RIC1: variants seen among roughly 807,000 people sequenced by gnomAD.
The protein encoded by RIC1 is RIC1 partner of RAB6A GEF complex.
RIC1 carries 88 observed loss-of-function variants against 169.0 expected under a neutral mutation model. The observed-to-expected ratio is 0.52, with a 90% confidence interval of 0.44 to 0.62. The LOEUF is 0.62. RIC1 is among the 20% of genes least tolerant of loss of function. The probability of loss-of-function intolerance (pLI) is 0.00; values close to 1 mark genes in which losing one functional copy is unlikely to be tolerated. For synonymous variants in RIC1, 790 were observed against 601.5 expected, an observed-to-expected ratio of 1.31 and a Z score of -4.59; for missense variants, 1,877 against 1,725.5, an observed-to-expected ratio of 1.09 and a Z score of -1.56.
chr9:5,719,481 C>G (rs1823460100), intron 4 of RIC1: 1 of 152,106 alleles, frequency 6.6e-6, no homozygotes, highest in Admixed American at 6.5e-5. Flanking sequence ...CTCGAATATC[C>G]AGCACACAGT....
intron 6 of RIC1, among the ~76,000 whole-genome samples, chr9:5,724,032 C>T (rs4352902): frequency 6.6e-6 from 1 of 151,296 alleles, no homozygotes; most frequent in Non-Finnish European, 1.5e-5. Context: ...GGATTGTCTT[C>T]GCAATGCAGG....
At chr9:5,682,042 C>T (rs555030663) in intron 2 of RIC1, among the ~76,000 whole-genome samples, 68 of 152,250 alleles carry the variant, frequency 4.5e-4, no homozygotes, top group African/African-American at 1.4e-3. Context: ...TATTTTGAGC[C>T]TATGTGTGTC....
At chr9:5,733,727 G>A (rs748609977) in intron 7 of RIC1, among the ~76,000 whole-genome samples, 2 of 151,990 alleles carry the variant, frequency 1.3e-5, no homozygotes, top group Non-Finnish European at 2.9e-5. Flanking sequence ...TAGTACAAGA[G>A]AGAAGGAAAA....
chr9:5,692,441 T>G lies in RIC1; in HGVS notation c.332+2403T>G, dbSNP rs148104622. Among the ~76,000 whole-genome samples, 401 of 152,212 alleles carry G rather than the reference T, an allele frequency of 2.6e-3. 4 individuals are homozygous for G. The highest frequency in any genetic ancestry group is 9.0e-3 in the African/African-American group (374 of 41,576). The stretch of plus-strand genomic sequence containing the variant: ...TCAGTAATTTTTTTCACCAAGTGTT[T>G]ACTTCATTTCTAAGCTTTTAAGTAA... On this transcript the variant is annotated intron_variant, in intron 3 of 25. Transcript: ENST00000414202.
At chr9:5,732,103 TG>T (rs1824403527) in intron 6 of RIC1, among the ~76,000 whole-genome samples, 2 of 152,240 alleles carry the variant, frequency 1.3e-5, no homozygotes, top group African/African-American at 4.8e-5. Context: ...TATTTGAATT[TG>T]GAGATGAATT....
chr9:5,768,994 T>C lies in RIC1; in HGVS notation c.3162T>C (p.Ala1054=), dbSNP rs748223834. The change falls in exon 22 of 26, where the codon GCT becomes GCC. Residue 1054 remains alanine, a synonymous_variant. Coordinates refer to ENST00000414202, the MANE Select transcript of RIC1 (RefSeq NM_020829.4). ...GKRWSKDSDC[A]ENMYIDMMLW... ...GATGGAGCAAAGACAGTGACTGTGC[T>C]GAGAACATGTATATTGACATGATGC... 13 of 1,612,796 alleles carry C rather than the reference T, an allele frequency of 8.1e-6. No homozygotes were observed. Among genetic ancestry groups the C allele is most frequent in the Middle Eastern group, 1.6e-4 (1 of 6,068 alleles).
chr9:5,769,266 A>G lies in RIC1; in HGVS notation c.3424+10A>G. ...GGAAAATACCGAACTGGTAATGTAG[A>G]CTTCATGTCACTTGTACAAGGAGAA... is the stretch of plus-strand genomic sequence containing the variant. On this transcript the variant is annotated intron_variant, in intron 22 of 25. Transcript: ENST00000414202. The G allele has an allele frequency of 6.2e-7, 1 of 1,613,954 alleles. No individual in the cohort carries two copies. The highest frequency in any genetic ancestry group is 8.5e-7 in the Non-Finnish European group (1 of 1,179,826).
chr9:5,762,762 A>G, intron 18 of RIC1, 102 bp downstream of exon 18: 1 of 1,398,070 alleles, frequency 7.2e-7, no homozygotes, highest in Middle Eastern at 2.0e-4. Context: ...TGATTTGGAA[A>G]GGAGAAATTA....
intron 4 of RIC1, among the ~76,000 whole-genome samples, chr9:5,714,848 T>C (rs1360201792): frequency 6.6e-6 from 1 of 152,204 alleles, no homozygotes; most frequent in Non-Finnish European, 1.5e-5. Flanking sequence ...AGCTTTTTAT[T>C]GTGTACTCTT....
At chr9:5,717,883 G>C (rs1419343146) in intron 4 of RIC1, among the ~76,000 whole-genome samples, 1 of 150,260 alleles carries the variant, frequency 6.7e-6, no homozygotes, top group Non-Finnish European at 1.5e-5. Context: ...GCTCACGCCT[G>C]TAATCCCAGC....
intron 3 of RIC1, among the ~76,000 whole-genome samples, chr9:5,703,288 CCCGTG>C (rs1255176428): frequency 6.6e-6 from 1 of 152,168 alleles, no homozygotes; most frequent in Non-Finnish European, 1.5e-5. Flanking sequence ...GACTATAAGC[CCCGTG>C]CAGATCTGAA....
intron 12 of RIC1, among the ~76,000 whole-genome samples, chr9:5,752,701 G>A (rs913299723): frequency 6.6e-6 from 1 of 152,148 alleles, no homozygotes; most frequent in African/African-American, 2.4e-5. Flanking sequence ...CTCCCAAAGT[G>A]CTGGGATTAC....
At chr9:5,660,017 C>G (rs1329999261) in intron 2 of RIC1, among the ~76,000 whole-genome samples, 1 of 152,156 alleles carries the variant, frequency 6.6e-6, no homozygotes, top group African/African-American at 2.4e-5. Flanking sequence ...CCCCTCCATC[C>G]TCTAACAGAC....
intron 21 of RIC1, among the ~76,000 whole-genome samples, chr9:5,767,474 A>G (rs1456264308): frequency 1.1e-5 from 1 of 87,262 alleles, no homozygotes; most frequent in African/African-American, 4.7e-5. Flanking sequence ...TATTGTTCAT[A>G]TTCTCTTTTT....
intron 2 of RIC1, among the ~76,000 whole-genome samples, chr9:5,657,552 C>T (rs886614450): frequency 2.0e-5 from 3 of 152,144 alleles, no homozygotes; most frequent in Middle Eastern, 3.4e-3. Context: ...AGGTTACATG[C>T]GTAGTGTATA....
chr9:5,734,807 T>C (rs757533851), intron 7 of RIC1, among the ~76,000 whole-genome samples: 1 of 152,260 alleles, frequency 6.6e-6, no homozygotes, highest in Non-Finnish European at 1.5e-5. Context: ...AATTGGTTTA[T>C]AAATAACGTT....
In RIC1 at chr9:5,696,895, C is replaced by T. The variant is rs573189462; in HGVS notation, c.332+6857C>T. 2.4e-3 allele frequency among the ~76,000 whole-genome samples: 369 copies of T among 152,224 alleles called. 4 individuals carry two copies. Among genetic ancestry groups the T allele is most frequent in the Middle Eastern group, 6.8e-3 (2 of 294 alleles). On this transcript the variant is annotated intron_variant, in intron 3 of 25. Coordinates refer to ENST00000414202, the MANE Select transcript of RIC1 (RefSeq NM_020829.4). ...TGGAGATCTTACTGATCTTTTGAGGCTTTTTGTATGTCTTTTAGGATGGAT... is the reference window on the plus strand; with the variant it reads ...TGGAGATCTTACTGATCTTTTGAGGTTTTTTGTATGTCTTTTAGGATGGAT...
chr9:5,774,281 TAGC>T lies in RIC1; in HGVS notation c.*42_*44del, dbSNP rs1489156359. ...TCCATCACAAAGGGGCAGTATTAATTAGCAGCAGCGTGCAGCTCAGTACGTTGT... is the reference window on the plus strand; with the variant it reads ...TCCATCACAAAGGGGCAGTATTAATTAGCAGCGTGCAGCTCAGTACGTTGT... On this transcript the variant is annotated 3_prime_UTR_variant, in exon 26 of 26. Coordinates refer to ENST00000414202, the MANE Select transcript of RIC1 (RefSeq NM_020829.4). The T allele has an allele frequency of 1.3e-6, 2 of 1,560,812 alleles. No individual in the cohort carries two copies. The highest frequency in any genetic ancestry group is 2.4e-5 in the South Asian group (2 of 82,670).
intron 17 of RIC1, among the ~76,000 whole-genome samples, chr9:5,757,867 G>A (rs73389513): frequency 0.02 from 2,977 of 152,284 alleles, 96 homozygotes; most frequent in African/African-American, 0.066. Flanking sequence ...CACACTCAGG[G>A]AATTGGAAGA....
Sources: allele counts gnomAD v4.1 joint callset (sites outside exome capture counted in the v4.1 genomes callset), GRCh38; gene constraint gnomAD v4.1.1; transcripts MANE v1.5; gene names NCBI Gene and HGNC (gene_info 2026-07-23, HGNC 2026-07-21).